The following AHI1 variants were observed in gnomAD, a reference collection of about 807,000 sequenced individuals.
The protein encoded by AHI1 is jouberin.
A neutral mutation model predicts 149.3 loss-of-function variants in AHI1; 123 were observed. That is an observed-to-expected ratio of 0.82 (90% CI 0.71 to 0.96). AHI1 has a LOEUF of 0.96. Among genes scored for constraint, AHI1 ranks in the 40% least tolerant of loss-of-function variants. The pLI is 0.00. For synonymous variants in AHI1, 475 were observed against 459.8 expected (o/e 1.03, Z -0.42); for missense variants, 1,439 against 1,422.7 (o/e 1.01, Z -0.18).
chr6:135,435,277 A>T (rs1044756446), intron 15 of AHI1: 1 of 152,202 alleles, frequency 6.6e-6, no homozygotes, highest in Non-Finnish European at 1.5e-5. Flanking sequence ...TCAGTTTTAA[A>T]GATAAATAAG....
intron 27 of AHI1, among the ~76,000 whole-genome samples, chr6:135,298,041 A>G (rs1165227537): frequency 6.6e-6 from 1 of 152,198 alleles, no homozygotes; most frequent in Non-Finnish European, 1.5e-5. Context: ...AAAAAACCCA[A>G]CAAAATTCAA....
intron 24 of AHI1, among the ~76,000 whole-genome samples, chr6:135,339,567 A>G (rs967492060): frequency 2.0e-5 from 3 of 152,216 alleles, no homozygotes; most frequent in African/African-American, 7.2e-5. Context: ...GGGACTCAAT[A>G]GTAGGTATAA....
At chr6:135,430,022 C>T in intron 17 of AHI1, 22 bp from the exon 18 acceptor site, 1 of 1,335,998 alleles carries the variant, frequency 7.5e-7, no homozygotes, top group Non-Finnish European at 1.0e-6. Context: ...AAAAAAAATA[C>T]TACTACTGAA....
At chr6:135,406,985 A>G (rs1342710772) in intron 21 of AHI1, among the ~76,000 whole-genome samples, 1 of 152,234 alleles carries the variant, frequency 6.6e-6, no homozygotes, top group Non-Finnish European at 1.5e-5. Context: ...GATACCCGTG[A>G]AGTCTTACCT....
intron 23 of AHI1, 101 bp from the exon 24 acceptor site, chr6:135,358,288 A>C (rs974809075): frequency 1.0e-6 from 1 of 999,112 alleles, no homozygotes; most frequent in African/African-American, 1.6e-5. Context: ...ATTATGACTC[A>C]CACAGCTTCC....
intron 8 of AHI1, among the ~76,000 whole-genome samples, chr6:135,460,422 G>A (rs890943255): frequency 1.3e-5 from 2 of 152,096 alleles, no homozygotes; most frequent in South Asian, 4.2e-4. Context: ...CAAATAAATG[G>A]AAGTGCATAC....
intron 5 of AHI1, among the ~76,000 whole-genome samples, chr6:135,472,545 T>C (rs1791915294): frequency 6.6e-6 from 1 of 152,350 alleles, no homozygotes; most frequent in South Asian, 2.1e-4. Context: ...TAAACAGATA[T>C]TTAACTTATT....
chr6:135,329,022 G>T (rs911959155), intron 24 of AHI1, among the ~76,000 whole-genome samples: 1 of 152,180 alleles, frequency 6.6e-6, no homozygotes, highest in Non-Finnish European at 1.5e-5. Flanking sequence ...AGAAACGTGA[G>T]GAAGCTACAG....
At chr6:135,355,717 G>A (rs578091239) in intron 24 of AHI1, among the ~76,000 whole-genome samples, 1 of 152,066 alleles carries the variant, frequency 6.6e-6, no homozygotes, top group Non-Finnish European at 1.5e-5. Flanking sequence ...TGACCTACAC[G>A]GTGAAACCCC....
Position 135,428,625 on chromosome 6 carries a change from T to C in AHI1, c.2623+4A>G, listed in dbSNP as rs766458098. On this transcript the variant is annotated splice_donor_region_variant and intron_variant, in intron 19 of 28. Transcript: ENST00000265602. ...ATGATTTTTAAAGTTCAATAAACAT[T>C]CACCTGTTTCTGGGTTCCAAACATA... The C allele has an allele frequency of 1.9e-6, 3 of 1,596,130 alleles. No homozygotes were observed. Among genetic ancestry groups the C allele is most frequent in the Non-Finnish European group, 2.6e-6 (3 of 1,170,918 alleles).
chr6:135,450,003 T>C (rs2128062990), intron 11 of AHI1, among the ~76,000 whole-genome samples: 1 of 152,274 alleles, frequency 6.6e-6, no homozygotes, highest in East Asian at 1.9e-4. Flanking sequence ...TTTGGAGGAA[T>C]CTGACATATC....
chr6:135,458,246 CTG>C (rs999410575), intron 8 of AHI1, among the ~76,000 whole-genome samples: 17 of 152,278 alleles, frequency 1.1e-4, no homozygotes, highest in African/African-American at 3.1e-4. Context: ...GTTTTTGTCT[CTG>C]GGGACATTTG....
intron 27 of AHI1, among the ~76,000 whole-genome samples, chr6:135,292,388 A>C (rs1782475633): frequency 6.6e-6 from 1 of 152,206 alleles, no homozygotes; most frequent in South Asian, 2.1e-4. Context: ...ACAATCTATC[A>C]AAAGGCTACC....
intron 24 of AHI1, among the ~76,000 whole-genome samples, chr6:135,337,839 A>G (rs1456191361): frequency 2.6e-5 from 4 of 152,026 alleles, no homozygotes; most frequent in Non-Finnish European, 5.9e-5. Context: ...GGATAGCCAG[A>G]TATCAGTAAT....
chr6:135,295,931 C>CA (rs1783029237), intron 27 of AHI1, among the ~76,000 whole-genome samples: 1 of 152,226 alleles, frequency 6.6e-6, no homozygotes, highest in Non-Finnish European at 1.5e-5. Flanking sequence ...CGGCTCACTG[C>CA]AATCTCCACC....
intron 8 of AHI1, 75 bp from the exon 9 acceptor site, chr6:135,457,788 T>A: frequency 7.3e-7 from 1 of 1,374,914 alleles, no homozygotes; most frequent in Non-Finnish European, 1.0e-6. Flanking sequence ...ACCTAATCTT[T>A]AAGATCTGTG....
intron 15 of AHI1, among the ~76,000 whole-genome samples, chr6:135,434,827 GA>G (rs2128028099): frequency 6.6e-6 from 1 of 152,262 alleles, no homozygotes; most frequent in South Asian, 2.1e-4. Flanking sequence ...ATATGTTTGA[GA>G]AAAGGGAATA....
At chr6:135,490,265 C>A (rs1280733287) in intron 5 of AHI1, 3 of 716,628 alleles carry the variant, frequency 4.2e-6, no homozygotes, top group African/African-American at 1.7e-5. Context: ...TAAATAAGCA[C>A]AAGCTATTCA....
At chr6:135,338,349 C>T (rs866798267) in intron 24 of AHI1, among the ~76,000 whole-genome samples, 2 of 150,878 alleles carry the variant, frequency 1.3e-5, no homozygotes, top group Non-Finnish European at 3.0e-5. Context: ...AATATCCCTG[C>T]GTTAGCACGT....
Sources: gnomAD v4.1 joint callset for allele counts (sites outside exome capture counted in the v4.1 genomes callset) on GRCh38, gnomAD v4.1.1 for gene constraint, MANE v1.5 for transcripts, NCBI Gene and HGNC (gene_info 2026-07-23, HGNC 2026-07-21) for gene names.